The following ARID1B variants were observed in gnomAD, a reference collection of about 807,000 sequenced individuals.
ARID1B encodes the protein AT-rich interaction domain 1B.
A neutral mutation model predicts 212.3 loss-of-function variants in ARID1B; 30 were observed. That is an observed-to-expected ratio of 0.14 (90% CI 0.11 to 0.19). The LOEUF (loss-of-function observed/expected upper bound fraction) is 0.19, where lower values mean the gene tolerates loss of function less well. ARID1B is among the 10% of genes least tolerant of loss of function. ARID1B has a pLI of 1.00. For synonymous variants in ARID1B, 1,402 were observed against 1,301.7 expected, an observed-to-expected ratio of 1.08 and a Z score of -1.66; for missense variants, 2,891 against 3,204.0, an observed-to-expected ratio of 0.90 and a Z score of 2.36.
At chr6:157,060,199 G>A (rs942422014) in intron 4 of ARID1B, among the ~76,000 whole-genome samples, 1 of 152,174 alleles carries the variant, frequency 6.6e-6, no homozygotes, top group South Asian at 2.1e-4. Flanking sequence ...TCCATCAGTC[G>A]ATAAAAACAG....
chr6:157,137,244 A>T (rs1788989310), intron 7 of ARID1B, among the ~76,000 whole-genome samples: 1 of 152,218 alleles, frequency 6.6e-6, no homozygotes, highest in Non-Finnish European at 1.5e-5. Flanking sequence ...AATGTATATT[A>T]GTACTATAAA....
At chr6:156,790,811 A>C (rs1779960473) in intron 1 of ARID1B, among the ~76,000 whole-genome samples, 3 of 152,128 alleles carry the variant, frequency 2.0e-5, no homozygotes, top group Admixed American at 2.0e-4. Flanking sequence ...ATATGGCAAG[A>C]CTCTGTCCTT....
At chr6:157,004,617 C>T (rs951421794) in intron 4 of ARID1B, among the ~76,000 whole-genome samples, 18 of 152,122 alleles carry the variant, frequency 1.2e-4, no homozygotes, top group Non-Finnish European at 2.2e-4. Flanking sequence ...AAGAACTCCC[C>T]CCAAAATGAT....
At chr6:156,942,806 A>G (rs1335639972) in intron 4 of ARID1B, 1 of 152,154 alleles carries the variant, frequency 6.6e-6, no homozygotes, top group Non-Finnish European at 1.5e-5. Flanking sequence ...CCTGCAGGCA[A>G]TGGCCAGTGT....
chr6:157,146,455 G>A (rs1789728745), intron 7 of ARID1B, among the ~76,000 whole-genome samples: 1 of 152,090 alleles, frequency 6.6e-6, no homozygotes, highest in Non-Finnish European at 1.5e-5. Flanking sequence ...CTCCAGAAGT[G>A]CTCATTCAGA....
chr6:157,177,178 A>C (rs1236318560), intron 11 of ARID1B, among the ~76,000 whole-genome samples: 1 of 152,220 alleles, frequency 6.6e-6, no homozygotes, highest in Non-Finnish European at 1.5e-5. Context: ...AAGAATTTGC[A>C]AGCAAACTTC....
intron 4 of ARID1B, among the ~76,000 whole-genome samples, chr6:157,028,583 A>G (rs189919631): frequency 2.0e-5 from 3 of 152,354 alleles, no homozygotes; most frequent in African/African-American, 4.8e-5. Flanking sequence ...TCATGATCTC[A>G]TAGCCATGTT....
chr6:157,111,114 G>A (rs1022624725), intron 6 of ARID1B: 1 of 153,342 alleles, frequency 6.5e-6, no homozygotes, highest in Admixed American at 6.4e-5. Context: ...CTTATTCTCA[G>A]GAGCTAGTTA....
intron 4 of ARID1B, among the ~76,000 whole-genome samples, chr6:157,014,433 G>A (rs529742313): frequency 9.2e-5 from 14 of 152,296 alleles, no homozygotes; most frequent in African/African-American, 3.4e-4. Flanking sequence ...GATTGCTACA[G>A]TTAGGAAATC....
chr6:156,816,768 G>C (rs1202173348), intron 1 of ARID1B, among the ~76,000 whole-genome samples: 1 of 152,194 alleles, frequency 6.6e-6, no homozygotes, highest in African/African-American at 2.4e-5. Context: ...TCCAGGTACA[G>C]GGCGGGCTGA....
At chr6:156,966,535 A>G (rs1794775608) in intron 4 of ARID1B, among the ~76,000 whole-genome samples, 1 of 150,768 alleles carries the variant, frequency 6.6e-6, no homozygotes, top group African/African-American at 2.4e-5. Context: ...GTGGTATTAC[A>G]GGCACCTGCT....
At chr6:156,880,560 G>A (rs1786966320) in intron 2 of ARID1B, among the ~76,000 whole-genome samples, 1 of 151,824 alleles carries the variant, frequency 6.6e-6, no homozygotes, top group Admixed American at 6.6e-5. Context: ...ACAACATGGC[G>A]AAACCCCGTC....
At chr6:157,178,695 A>C (rs1792287433) in intron 11 of ARID1B, among the ~76,000 whole-genome samples, 2 of 150,518 alleles carry the variant, frequency 1.3e-5, no homozygotes, top group African/African-American at 5.0e-5. Context: ...TATGACAACA[A>C]ATTGAGATAG....
intron 4 of ARID1B, among the ~76,000 whole-genome samples, chr6:157,033,494 A>C (rs753119758): frequency 3.9e-5 from 6 of 152,236 alleles, no homozygotes; most frequent in African/African-American, 1.4e-4. Context: ...CATTGTGAAC[A>C]TAAAAAGGAC....
chr6:157,039,578 A>T (rs1781587787), intron 4 of ARID1B, among the ~76,000 whole-genome samples: 1 of 151,302 alleles, frequency 6.6e-6, no homozygotes, highest in African/African-American at 2.4e-5. Flanking sequence ...CATTATCTGG[A>T]AGTCGGCAAG....
chr6:156,849,744 C>T (rs1475005598), intron 2 of ARID1B, among the ~76,000 whole-genome samples: 1 of 151,746 alleles, frequency 6.6e-6, no homozygotes, highest in Admixed American at 6.6e-5. Flanking sequence ...TTTTGGTTTT[C>T]TTTTGTTTTT....
intron 2 of ARID1B, among the ~76,000 whole-genome samples, chr6:156,832,734 G>GA (rs750753490): frequency 6.6e-5 from 10 of 152,318 alleles, no homozygotes; most frequent in Non-Finnish European, 8.8e-5. Flanking sequence ...TTAACATGGA[G>GA]AGGAGTATCA....
At chr6:157,180,385 A>C (rs575790318) in intron 11 of ARID1B, among the ~76,000 whole-genome samples, 2,005 of 152,034 alleles carry the variant, frequency 0.013, 50 homozygotes, top group African/African-American at 0.046. Flanking sequence ...AAAAAACAAA[A>C]AAAAACAAAA....
intron 11 of ARID1B, among the ~76,000 whole-genome samples, chr6:157,177,258 C>G (rs1178867983): frequency 1.3e-5 from 2 of 152,202 alleles, no homozygotes; most frequent in Non-Finnish European, 2.9e-5. Context: ...GATTATTGCT[C>G]TGTGTTGAGA....
Sources: allele counts gnomAD v4.1 joint callset (sites outside exome capture counted in the v4.1 genomes callset), GRCh38; gene constraint gnomAD v4.1.1; transcripts MANE v1.5; gene names NCBI Gene and HGNC (gene_info 2026-07-23, HGNC 2026-07-21).